Variants in RSRC1 observed in about 807,000 individuals in gnomAD.
The protein encoded by RSRC1 is serine/Arginine-related protein 53.
RSRC1 carries 39 observed loss-of-function variants against 49.1 expected under a neutral mutation model. That is an observed-to-expected ratio of 0.79 (90% CI 0.61 to 1.04). The LOEUF (loss-of-function observed/expected upper bound fraction) is 1.04, where lower values mean the gene tolerates loss of function less well. Among genes scored for constraint, RSRC1 ranks in the 50% least tolerant of loss-of-function variants. The pLI is 0.00. For synonymous variants in RSRC1, 143 were observed against 130.8 expected (o/e 1.09, Z -0.63); for missense variants, 388 against 402.4 (o/e 0.96, Z 0.31).
At chr3:158,340,999 C>T (rs929119759) in intron 5 of RSRC1, among the ~76,000 whole-genome samples, 2 of 152,068 alleles carry the variant, frequency 1.3e-5, no homozygotes, top group Admixed American at 1.3e-4. Flanking sequence ...GCATTTTGCC[C>T]CCACCCTAGA....
At chr3:158,364,758 A>C (rs1055928353) in intron 6 of RSRC1, among the ~76,000 whole-genome samples, 3 of 151,406 alleles carry the variant, frequency 2.0e-5, no homozygotes, top group African/African-American at 7.3e-5. Context: ...TACTGATGAA[A>C]CCATAGGAAA....
At chr3:158,510,134 A>T (rs541233382) in intron 7 of RSRC1, among the ~76,000 whole-genome samples, 10 of 152,140 alleles carry the variant, frequency 6.6e-5, no homozygotes, top group Non-Finnish European at 1.3e-4. Context: ...GTATGATTTC[A>T]TTGCCATAGT....
intron 6 of RSRC1, among the ~76,000 whole-genome samples, chr3:158,439,826 A>T (rs1326235827): frequency 6.6e-6 from 1 of 151,936 alleles, no homozygotes; most frequent in African/African-American, 2.4e-5. Context: ...AAATTTAAAA[A>T]TAATAAAAAA....
chr3:158,164,780 T>C (rs1718440115), intron 3 of RSRC1, among the ~76,000 whole-genome samples: 1 of 152,186 alleles, frequency 6.6e-6, no homozygotes, highest in Non-Finnish European at 1.5e-5. Flanking sequence ...TTTTATCTTG[T>C]CTTGTTTTCT....
intron 3 of RSRC1, among the ~76,000 whole-genome samples, chr3:158,143,004 C>G (rs1291028722): frequency 1.3e-5 from 2 of 152,172 alleles, no homozygotes; most frequent in Non-Finnish European, 2.9e-5. Flanking sequence ...TGATTGACTT[C>G]TACATTTCCA....
At chr3:158,365,611 T>A (rs1731719948) in intron 6 of RSRC1, among the ~76,000 whole-genome samples, 2 of 152,228 alleles carry the variant, frequency 1.3e-5, no homozygotes, top group Non-Finnish European at 2.9e-5. Flanking sequence ...TAAACATACA[T>A]GTGCATGTGT....
intron 7 of RSRC1, among the ~76,000 whole-genome samples, chr3:158,510,846 A>C (rs1315210933): frequency 2.6e-5 from 4 of 152,228 alleles, no homozygotes; most frequent in African/African-American, 7.2e-5. Context: ...GGTTATTTTT[A>C]ATCTTTGTTC....
At chr3:158,369,547 G>C (rs1048464510) in intron 6 of RSRC1, among the ~76,000 whole-genome samples, 1 of 152,050 alleles carries the variant, frequency 6.6e-6, no homozygotes, top group Admixed American at 6.6e-5. Context: ...AGGCCCTGGG[G>C]TTTCTTTTTT....
intron 5 of RSRC1, among the ~76,000 whole-genome samples, chr3:158,339,192 T>C (rs942172940): frequency 2.7e-5 from 4 of 148,434 alleles, no homozygotes; most frequent in Non-Finnish European, 4.4e-5. Flanking sequence ...TTCTGGAGGC[T>C]GAGGCAGGAG....
At chr3:158,523,644 G>T (rs1711833793) in intron 7 of RSRC1, among the ~76,000 whole-genome samples, 1 of 151,944 alleles carries the variant, frequency 6.6e-6, no homozygotes, top group Non-Finnish European at 1.5e-5. Flanking sequence ...GAAGACGAAT[G>T]GGTGCCTTTT....
intron 5 of RSRC1, among the ~76,000 whole-genome samples, chr3:158,329,670 G>C (rs1329244383): frequency 6.6e-6 from 1 of 152,196 alleles, no homozygotes; most frequent in Non-Finnish European, 1.5e-5. Flanking sequence ...TCCCAGTTAG[G>C]CTACTCGGGG....
At chr3:158,286,170 C>G (rs754587868) in intron 4 of RSRC1, among the ~76,000 whole-genome samples, 2 of 152,162 alleles carry the variant, frequency 1.3e-5, no homozygotes, top group African/African-American at 4.8e-5. Flanking sequence ...TGCCTCCTCC[C>G]TAATCATGTT....
At chr3:158,114,113 G>A (rs529239946) in intron 1 of RSRC1, among the ~76,000 whole-genome samples, 130 of 152,166 alleles carry the variant, frequency 8.5e-4, no homozygotes, top group Non-Finnish European at 1.6e-3. Flanking sequence ...TTCTTCTAAG[G>A]TTTTTATAGT....
intron 7 of RSRC1, among the ~76,000 whole-genome samples, chr3:158,519,852 T>C (rs906284666): frequency 1.3e-5 from 2 of 151,842 alleles, no homozygotes; most frequent in Non-Finnish European, 2.9e-5. Context: ...AGAGAGAGAA[T>C]ATAGATAAAG....
At chr3:158,241,599 G>A (rs922760613) in intron 4 of RSRC1, among the ~76,000 whole-genome samples, 5 of 151,702 alleles carry the variant, frequency 3.3e-5, no homozygotes, top group African/African-American at 9.7e-5. Flanking sequence ...AAAATCAGCC[G>A]GGTTAAGTGA....
intron 6 of RSRC1, among the ~76,000 whole-genome samples, chr3:158,411,697 A>T (rs1490795733): frequency 6.6e-6 from 1 of 151,666 alleles, no homozygotes; most frequent in Non-Finnish European, 1.5e-5. Flanking sequence ...TTTAATTTAT[A>T]TTTCTCCAGT....
intron 3 of RSRC1, among the ~76,000 whole-genome samples, chr3:158,146,173 G>A (rs544434146): frequency 1.3e-5 from 2 of 152,248 alleles, no homozygotes; most frequent in East Asian, 1.9e-4. Context: ...ATGTTGAATA[G>A]GAGTGGTGAG....
intron 3 of RSRC1, among the ~76,000 whole-genome samples, chr3:158,167,005 A>G (rs1718577049): frequency 6.6e-6 from 1 of 152,162 alleles, no homozygotes; most frequent in Non-Finnish European, 1.5e-5. Context: ...TAAAAGAAAA[A>G]TAACAACTTA....
intron 4 of RSRC1, among the ~76,000 whole-genome samples, chr3:158,232,711 A>G (rs1039230710): frequency 2.0e-5 from 3 of 152,058 alleles, no homozygotes; most frequent in African/African-American, 2.4e-5. Flanking sequence ...ATAATTTTAG[A>G]TAATCTTGCC....
Sources: gnomAD v4.1 joint callset for allele counts (sites outside exome capture counted in the v4.1 genomes callset) on GRCh38, gnomAD v4.1.1 for gene constraint, MANE v1.5 for transcripts, NCBI Gene and HGNC (gene_info 2026-07-23, HGNC 2026-07-21) for gene names.